Variants in ITPR2 observed in about 807,000 individuals in gnomAD.
The protein encoded by ITPR2 is inositol 1,4,5-trisphosphate receptor type 2.
A neutral mutation model predicts 317.1 loss-of-function variants in ITPR2; 207 were observed. That is an observed-to-expected ratio of 0.65 (90% CI 0.58 to 0.73). ITPR2 has a LOEUF of 0.73. ITPR2 is among the 30% of genes least tolerant of loss of function. The pLI is 0.00. For synonymous variants in ITPR2, 1,156 were observed against 1,149.1 expected (o/e 1.01, Z -0.12); for missense variants, 2,613 against 3,284.0 (o/e 0.80, Z 4.99).
chr12:26,427,210 A>G (rs2136701436), intron 49 of ITPR2, among the ~76,000 whole-genome samples: 1 of 152,116 alleles, frequency 6.6e-6, no homozygotes, highest in East Asian at 1.9e-4. Flanking sequence ...TTATTTTCTT[A>G]CCTGGCCATT....
chr12:26,798,161 C>G (rs1190139875), intron 1 of ITPR2, among the ~76,000 whole-genome samples: 1 of 152,160 alleles, frequency 6.6e-6, no homozygotes, highest in Non-Finnish European at 1.5e-5. Flanking sequence ...CCCCACAACC[C>G]TGGCACGTCA....
chr12:26,567,619 G>A (rs1383586301), intron 34 of ITPR2, among the ~76,000 whole-genome samples: 2 of 152,126 alleles, frequency 1.3e-5, no homozygotes, highest in Non-Finnish European at 2.9e-5. Context: ...GTCAAAATCA[G>A]TCTGCTTTGT....
chr12:26,347,865 A>G (rs966988862), intron 55 of ITPR2, among the ~76,000 whole-genome samples: 1 of 152,258 alleles, frequency 6.6e-6, no homozygotes, highest in African/African-American at 2.4e-5. Context: ...GTGATTTTGT[A>G]GAATGCTCTG....
At chr12:26,342,312 A>G (rs189541774) in intron 55 of ITPR2, among the ~76,000 whole-genome samples, 1 of 152,114 alleles carries the variant, frequency 6.6e-6, no homozygotes, top group Admixed American at 6.5e-5. Context: ...CCTTTCAACA[A>G]TTCTGTGAAC....
chr12:26,533,875 T>G (rs1944011756), intron 37 of ITPR2, among the ~76,000 whole-genome samples: 1 of 152,222 alleles, frequency 6.6e-6, no homozygotes, highest in South Asian at 2.1e-4. Context: ...TGGGACTTTG[T>G]GATGGCAGCC....
intron 55 of ITPR2, among the ~76,000 whole-genome samples, chr12:26,340,540 G>T (rs1938075376): frequency 6.6e-6 from 1 of 152,162 alleles, no homozygotes; most frequent in South Asian, 2.1e-4. Flanking sequence ...ACTTTATACG[G>T]GCTTCCAGGG....
chr12:26,731,106 T>A (rs930371283), intron 2 of ITPR2, among the ~76,000 whole-genome samples: 1 of 132,620 alleles, frequency 7.5e-6, no homozygotes, highest in African/African-American at 2.9e-5. Flanking sequence ...GCCAGCAGTA[T>A]CCTTTGGCAA....
In ITPR2 at chr12:26,627,970, T is replaced by C. The variant is rs188166773; in HGVS notation, c.3064+63A>G. The C allele has an allele frequency of 3.6e-4, 490 of 1,353,832 alleles. 1 individual carries two copies. Among genetic ancestry groups the C allele is most frequent in the Non-Finnish European group, 4.6e-4 (454 of 983,122 alleles). 83.9% of individuals were successfully genotyped at this position (1,353,832 alleles called of 1,614,324 possible). On this transcript the variant is annotated intron_variant, in intron 23 of 56. Transcript: ENST00000381340. ...AATATAATTATGTTTTAAAATATGA[T>C]AGGTACTTTCAAGTTCTCAGAAAAA...
intron 9 of ITPR2, among the ~76,000 whole-genome samples, chr12:26,708,834 C>T (rs770713917): frequency 1.1e-4 from 17 of 152,160 alleles, no homozygotes; most frequent in Non-Finnish European, 2.4e-4. Flanking sequence ...GTGATTATTA[C>T]ACATTGTATG....
In ITPR2 at chr12:26,475,533, C is replaced by T. The variant is rs561270137; in HGVS notation, c.6220-115G>A. The T allele has an allele frequency of 3.6e-6, 4 of 1,102,644 alleles. No homozygotes were observed. The Middle Eastern group carries it at 6.3e-4, about 175-fold the overall frequency. The allele number at this position is 1,102,644 out of a possible 1,614,324, so 68.3% of individuals were successfully genotyped here. ...TAAGCCTCAAAAGTATAAAAGGACT[C>T]TAAATGAAAATGGCCTTGGAAACCA... On this transcript the variant is annotated intron_variant, in intron 44 of 56. Coordinates refer to ENST00000381340, the MANE Select transcript of ITPR2 (RefSeq NM_002223.4).
At position 26,495,778 on chromosome 12, in the gene ITPR2, C is replaced by T. The variant is rs1421252710; in HGVS notation, c.5074-518G>A. Among the ~76,000 whole-genome samples the T allele has an allele frequency of 2.0e-5, 3 of 151,988 alleles. No individual in the cohort carries two copies. The East Asian group carries it at 5.8e-4, about 29-fold the overall frequency. ...AAAGAAGACTCAGAATAATAAACAC[C>T]CTAAGAATTGGAAAGCAAAGGGCTT... On this transcript the variant is annotated intron_variant, in intron 37 of 56. Coordinates refer to ENST00000381340, the MANE Select transcript of ITPR2 (RefSeq NM_002223.4).
At chr12:26,776,937 A>C (rs1236305690) in intron 2 of ITPR2, among the ~76,000 whole-genome samples, 2 of 152,344 alleles carry the variant, frequency 1.3e-5, no homozygotes, top group East Asian at 3.9e-4. Context: ...ACACTAAAAA[A>C]GAATTGCTTG....
At chr12:26,475,716 A>C (rs1442185672) in intron 44 of ITPR2, among the ~76,000 whole-genome samples, 2 of 152,186 alleles carry the variant, frequency 1.3e-5, no homozygotes, top group Non-Finnish European at 2.9e-5. Context: ...GTGCCCACTA[A>C]GTAACAGGCA....
At chr12:26,689,098 T>C (rs578242182) in intron 10 of ITPR2, among the ~76,000 whole-genome samples, 2 of 152,298 alleles carry the variant, frequency 1.3e-5, no homozygotes, top group South Asian at 4.1e-4. Flanking sequence ...CATCATGTTA[T>C]ATACCTTAAC....
At chr12:26,731,070 A>T (rs2137061408) in intron 2 of ITPR2, among the ~76,000 whole-genome samples, 1 of 152,282 alleles carries the variant, frequency 6.6e-6, no homozygotes, top group Admixed American at 6.5e-5. Context: ...TAGGGCTATC[A>T]TATGTAAAGT....
rs749756069 is a variant in ITPR2 at position 26,631,935 on chromosome 12, T to C, written c.2865A>G (p.Gln955=). ...CATCCTCGTGCTCGGTGGGGCTCCC[T>C]TGCTTGCTCGGGTGGATGCTGGGTG... ...DVPPSIHPSK[Q]GSPTEHEDVT... Residue 955 remains glutamine (Q), a synonymous_variant, in exon 22 of 57, where the codon CAA becomes CAG. Transcript: ENST00000381340. 1.2e-6 allele frequency: 2 copies of C among 1,613,988 alleles called. No individual in the cohort carries two copies. Among genetic ancestry groups the C allele is most frequent in the Non-Finnish European group, 1.7e-6 (2 of 1,179,960 alleles).
At chr12:26,543,365 T>TTG (rs1057373971) in intron 37 of ITPR2, among the ~76,000 whole-genome samples, 5 of 150,608 alleles carry the variant, frequency 3.3e-5, no homozygotes, top group African/African-American at 9.8e-5. Flanking sequence ...TTGTGTGTGT[T>TTG]TGTGTGTGTG....
At chr12:26,816,211 G>T (rs1950849984) in intron 1 of ITPR2, among the ~76,000 whole-genome samples, 1 of 151,378 alleles carries the variant, frequency 6.6e-6, no homozygotes, top group South Asian at 2.1e-4. Flanking sequence ...AACTCATGCT[G>T]ATTTTTCAGA....
At chr12:26,451,503 C>T (rs1371393536) in intron 45 of ITPR2, among the ~76,000 whole-genome samples, 1 of 151,858 alleles carries the variant, frequency 6.6e-6, no homozygotes, top group African/African-American at 2.4e-5. Context: ...CAAACTTCAC[C>T]CAAGGAGTTC....
Sources: gnomAD v4.1 joint callset for allele counts (sites outside exome capture counted in the v4.1 genomes callset) on GRCh38, gnomAD v4.1.1 for gene constraint, MANE v1.5 for transcripts, NCBI Gene and HGNC (gene_info 2026-07-23, HGNC 2026-07-21) for gene names.